Variants in PARD3B observed in about 807,000 individuals in gnomAD.
PARD3B encodes partitioning defective 3 homolog B.
A neutral mutation model predicts 130.2 loss-of-function variants in PARD3B; 103 were observed. That is an observed-to-expected ratio of 0.79 (90% CI 0.67 to 0.93). PARD3B has a LOEUF of 0.93. Among genes scored for constraint, PARD3B ranks in the 40% least tolerant of loss-of-function variants. PARD3B has a pLI of 0.00. For synonymous variants in PARD3B, 583 were observed against 553.2 expected (o/e 1.05, Z -0.76); for missense variants, 1,609 against 1,499.2 (o/e 1.07, Z -1.21).
At position 205,398,522 on chromosome 2, in the gene PARD3B, A is replaced by C. The variant is rs374100783; in HGVS notation, c.2631-2491A>C. ...CCCAAGACTAGACTGGCTACAACCAAAAAACTACAGTAGGAGTAGAGAGAG... is the reference window on the plus strand; with the variant it reads ...CCCAAGACTAGACTGGCTACAACCACAAAACTACAGTAGGAGTAGAGAGAG... On this transcript the variant is annotated intron_variant, in intron 18 of 22. Coordinates refer to ENST00000406610, the MANE Select transcript of PARD3B (RefSeq NM_001302769.2). Among the ~76,000 whole-genome samples, 23 of 152,340 alleles carry C rather than the reference A, an allele frequency of 1.5e-4. No individual in the cohort carries two copies. In the East Asian group the frequency reaches 4.4e-3, roughly 29 times the overall value.
intron 2 of PARD3B, among the ~76,000 whole-genome samples, chr2:204,694,906 A>G (rs1350825380): frequency 6.6e-6 from 1 of 152,022 alleles, no homozygotes; most frequent in Admixed American, 6.6e-5. Context: ...TGTGACACAC[A>G]GGTTTCATCA....
At chr2:205,216,729 G>T (rs2037929106) in intron 15 of PARD3B, among the ~76,000 whole-genome samples, 1 of 152,150 alleles carries the variant, frequency 6.6e-6, no homozygotes, top group African/African-American at 2.4e-5. Context: ...GAGGTTTTAG[G>T]TCAACACAGA....
At chr2:205,414,685 G>A (rs974334713) in intron 19 of PARD3B, among the ~76,000 whole-genome samples, 1 of 151,976 alleles carries the variant, frequency 6.6e-6, no homozygotes, top group Non-Finnish European at 1.5e-5. Context: ...AATTCTATTA[G>A]TGAAGATGTA....
rs1168591533 is a variant in PARD3B, at chr2:205,172,214, G to A, written c.1624G>A (p.Gly542Ser). The change falls in exon 12 of 23, where the codon GGT (glycine) becomes AGT (serine). Residue 542 changes from glycine to serine, a missense_variant. Physicochemically the swap from Gly to Ser is moderately conservative, Grantham distance 56 (BLOSUM62 0). Transcript: ENST00000406610. ...IIHGGAAFKD[G>S]RLRMNDQLIA... ...GTTTTCCTTTCTTCTGCCTTAGGAT[G>A]GTCGTCTGCGAATGAATGACCAGCT... is the stretch of plus-strand genomic sequence containing the variant. 6.2e-7 allele frequency: 1 copy of A among 1,613,846 alleles called. No individual in the cohort carries two copies. The highest frequency in any genetic ancestry group is 8.5e-7 in the Non-Finnish European group (1 of 1,179,838).
At chr2:205,141,302 C>A (rs915472678) in intron 10 of PARD3B, among the ~76,000 whole-genome samples, 7 of 152,168 alleles carry the variant, frequency 4.6e-5, no homozygotes, top group Non-Finnish European at 7.4e-5. Flanking sequence ...AATAAAAGCA[C>A]CACCAACTGT....
At chr2:205,127,925 C>T (rs16836988) in intron 10 of PARD3B, among the ~76,000 whole-genome samples, 5,319 of 152,192 alleles carry the variant, frequency 0.035, 183 homozygotes, top group African/African-American at 0.09. Flanking sequence ...TTCTTTCAAT[C>T]TTTTATTTAT....
intron 11 of PARD3B, among the ~76,000 whole-genome samples, chr2:205,166,859 T>C (rs1430197892): frequency 6.6e-6 from 1 of 152,018 alleles, no homozygotes; most frequent in Non-Finnish European, 1.5e-5. Flanking sequence ...GAGTTGATAA[T>C]ATCCCAGGAG....
intron 1 of PARD3B, among the ~76,000 whole-genome samples, chr2:204,637,844 G>C (rs539257445): frequency 7.9e-5 from 12 of 151,828 alleles, no homozygotes; most frequent in Non-Finnish European, 1.6e-4. Flanking sequence ...ACTTTGGCTT[G>C]TGGAGAGAAG....
intron 1 of PARD3B, among the ~76,000 whole-genome samples, chr2:204,662,321 T>C (rs999465188): frequency 5.9e-5 from 9 of 152,202 alleles, no homozygotes; most frequent in African/African-American, 1.9e-4. Flanking sequence ...TTGGCAAAAA[T>C]TCTAATTTTC....
intron 22 of PARD3B, among the ~76,000 whole-genome samples, chr2:205,607,617 C>G (rs2055048466): frequency 6.6e-6 from 1 of 152,204 alleles, no homozygotes; most frequent in Admixed American, 6.5e-5. Flanking sequence ...GCTGTAGGCA[C>G]TTGGGAACAT....
At chr2:205,478,533 A>G (rs1395780387) in intron 20 of PARD3B, among the ~76,000 whole-genome samples, 1 of 152,080 alleles carries the variant, frequency 6.6e-6, no homozygotes, top group Non-Finnish European at 1.5e-5. Flanking sequence ...AACAATAAGG[A>G]GATGTTTTCG....
intron 16 of PARD3B, among the ~76,000 whole-genome samples, chr2:205,279,669 A>C (rs1478671424): frequency 6.6e-6 from 1 of 152,094 alleles, no homozygotes; most frequent in African/African-American, 2.4e-5. Flanking sequence ...CTTCTGAGTC[A>C]CGTCATGGCA....
At chr2:204,835,665 A>G (rs2044002552) in intron 2 of PARD3B, among the ~76,000 whole-genome samples, 1 of 152,194 alleles carries the variant, frequency 6.6e-6, no homozygotes, top group African/African-American at 2.4e-5. Flanking sequence ...GTTTGACTTG[A>G]GATTTTTTGA....
intron 3 of PARD3B, among the ~76,000 whole-genome samples, chr2:204,979,192 C>T (rs1428425604): frequency 3.4e-5 from 5 of 146,144 alleles, no homozygotes; most frequent in African/African-American, 5.1e-5. Flanking sequence ...GGCGACAGAG[C>T]GAGACTCTGT....
At chr2:205,303,511 C>T (rs554005479) in intron 18 of PARD3B, among the ~76,000 whole-genome samples, 6 of 152,318 alleles carry the variant, frequency 3.9e-5, no homozygotes, top group Admixed American at 3.9e-4. Context: ...CTTACAGCCA[C>T]AGCATCTACC....
At chr2:205,277,836 A>G (rs989770246) in intron 16 of PARD3B, among the ~76,000 whole-genome samples, 4 of 152,186 alleles carry the variant, frequency 2.6e-5, no homozygotes, top group Non-Finnish European at 4.4e-5. Context: ...GGAGCCCTAC[A>G]GGAGTAATTT....
intron 2 of PARD3B, among the ~76,000 whole-genome samples, chr2:204,963,702 T>G (rs1690948659): frequency 6.6e-6 from 1 of 152,208 alleles, no homozygotes; most frequent in African/African-American, 2.4e-5. Flanking sequence ...ACTGATTTTT[T>G]TATACTAGAA....
chr2:205,050,934 C>T lies in PARD3B; in HGVS notation c.504+3244C>T, dbSNP rs1175693295. Among the ~76,000 whole-genome samples the T allele has an allele frequency of 4.3e-4, 65 of 152,060 alleles. 1 individual carries two copies. The highest frequency in any genetic ancestry group is 8.8e-5 in the Non-Finnish European group (6 of 68,020). ...TCCTGGTTAGTGCCCGTTGTTCTGG[C>T]ATAATTATTAATAATGTCTTCACAA... On this transcript the variant is annotated intron_variant, in intron 4 of 22. Transcript: ENST00000406610.
At chr2:204,910,698 G>A (rs776912230) in intron 2 of PARD3B, among the ~76,000 whole-genome samples, 3 of 152,092 alleles carry the variant, frequency 2.0e-5, no homozygotes, top group East Asian at 1.9e-4. Context: ...GGAGTGCAGC[G>A]GCGTGATCTC....
Sources: allele counts gnomAD v4.1 joint callset (sites outside exome capture counted in the v4.1 genomes callset), GRCh38; gene constraint gnomAD v4.1.1; transcripts MANE v1.5; gene names NCBI Gene and HGNC (gene_info 2026-07-23, HGNC 2026-07-21).